GLI4: variants seen among roughly 807,000 people sequenced by gnomAD.
GLI4 encodes zinc finger protein GLI4.
Under a neutral mutation model 30.9 loss-of-function variants are expected in GLI4, and 34 were observed. The observed-to-expected ratio is 1.10, with a 90% CI of 0.84 to 1.47. The LOEUF is 1.47. Ranked by LOEUF, GLI4 falls within the 40% of genes most tolerant of loss-of-function variation. The probability of loss-of-function intolerance (pLI) is 0.00; values close to 1 mark genes in which losing one functional copy is unlikely to be tolerated. For missense variants in GLI4, 696 were observed against 538.9 expected, an observed-to-expected ratio of 1.29 and a Z score of -2.89; for synonymous variants, 277 against 236.7, an observed-to-expected ratio of 1.17 and a Z score of -1.56.
intron 2 of GLI4, among the ~76,000 whole-genome samples, chr8:143,273,972 C>T (rs752435312): frequency 1.4e-4 from 22 of 152,240 alleles, no homozygotes; most frequent in South Asian, 4.1e-4. Flanking sequence ...CCACTGGCCT[C>T]GGGCAGTGGA....
At chr8:143,275,017 A>G (rs912126963) in intron 3 of GLI4, 4 of 1,517,146 alleles carry the variant, frequency 2.6e-6, no homozygotes, top group African/African-American at 1.4e-5. Flanking sequence ...ACTGCAGCCC[A>G]CAGCCACCTG....
In GLI4 at chr8:143,275,953, G is replaced by A. The variant is rs775542996; in HGVS notation, c.280G>A (p.Glu94Lys). ...CTCTCCTGGCTCTCAGGCCCCTGACGAGGGGGCGGGCGGGGCGCTGCGCAG... is the reference window on the plus strand; with the variant it reads ...CTCTCCTGGCTCTCAGGCCCCTGACAAGGGGGCGGGCGGGGCGCTGCGCAG... Reference protein sequence around the residue: ...PRSPGSQAPDEGAGGALRSLL... With the variant: ...PRSPGSQAPDKGAGGALRSLL... The change falls in exon 4 of 4, where the codon GAG becomes AAG. Residue 94 changes from glutamate to lysine, a missense_variant. By Grantham distance (56) the Glu-to-Lys change is moderately conservative (BLOSUM62 1). Coordinates refer to ENST00000340042, the MANE Select transcript of GLI4 (RefSeq NM_138465.4). 6 of 1,330,474 alleles carry A rather than the reference G, an allele frequency of 4.5e-6. No homozygotes were observed. The highest frequency in any genetic ancestry group is 3.1e-5 in the East Asian group (1 of 32,646). 82.4% of individuals were successfully genotyped at this position (1,330,474 alleles called of 1,614,324 possible).
chr8:143,276,644 A>G lies in GLI4; in HGVS notation c.971A>G (p.Glu324Gly), dbSNP rs1815395558. The G allele has an allele frequency of 6.2e-7, 1 of 1,611,502 alleles. No individual in the cohort carries two copies. Among genetic ancestry groups the G allele is most frequent in the Non-Finnish European group, 8.5e-7 (1 of 1,179,502 alleles). Residue 324 changes from glutamate to glycine, a missense_variant, in exon 4 of 4, where the codon GAG (glutamate) becomes GGG (glycine). Glu to Gly is a moderately conservative substitution (Grantham distance 98, BLOSUM62 -2). Coordinates refer to ENST00000340042, the MANE Select transcript of GLI4 (RefSeq NM_138465.4). ...QRIHTGEKPY[E>G]CSDCGKAFRG... ...ATCCACACTGGCGAGAAGCCCTACG[A>G]GTGCTCCGACTGCGGCAAAGCCTTC... is the stretch of plus-strand genomic sequence containing the variant.
rs529316730 is a variant in GLI4, at chr8:143,267,754, C to T, written c.-38+270C>T. Reference sequence around the variant, plus strand: ...GCCTTTCCCAGGCACCCAGTGACGGCAGCTGTCGTCATCGCCACTCTGCAG... The same window carrying T: ...GCCTTTCCCAGGCACCCAGTGACGGTAGCTGTCGTCATCGCCACTCTGCAG... On this transcript the variant is annotated intron_variant, in intron 1 of 3. Coordinates refer to ENST00000340042, the MANE Select transcript of GLI4 (RefSeq NM_138465.4). 3.8e-4 allele frequency: 376 copies of T among 985,364 alleles called. 9 individuals are homozygous for T. The South Asian group carries it at 0.016, about 41-fold the overall frequency. The allele number at this position is 985,364 out of a possible 1,614,324, so 61.0% of individuals were successfully genotyped here. A position where few individuals can be genotyped will look rare whatever the true frequency, so the allele number is the denominator to read the frequency against.
intron 1 of GLI4, 164 bp downstream of exon 1, chr8:143,267,648 G>A (rs1815166468): frequency 1.9e-5 from 19 of 985,398 alleles, no homozygotes; most frequent in Non-Finnish European, 2.3e-5. Flanking sequence ...GGGGAGCGGG[G>A]TGGGCTCCTG....
At position 143,276,133 on chromosome 8, in the gene GLI4, G is replaced by C; in HGVS notation, c.460G>C (p.Gly154Arg). The C allele has an allele frequency of 6.5e-7, 1 of 1,536,646 alleles. No homozygotes were observed. The highest frequency in any genetic ancestry group is 1.2e-5 in the South Asian group (1 of 82,992). Residue 154 changes from glycine to arginine, a missense_variant, in exon 4 of 4, where the codon GGG (glycine) becomes CGG (arginine). Coordinates refer to ENST00000340042, the MANE Select transcript of GLI4 (RefSeq NM_138465.4). ...RVTLVQQAAA[G>R]PEGAPERAAE... ...GACGCTCGTGCAGCAAGCAGCGGCC[G>C]GGCCCGAGGGTGCGCCCGAGCGGGC...
rs1326142743 is a variant in GLI4, at chr8:143,276,441, G to T, written c.768G>T (p.Gln256His). 3 of 1,612,756 alleles carry T rather than the reference G, an allele frequency of 1.9e-6. No individual in the cohort carries two copies. Among genetic ancestry groups the T allele is most frequent in the Non-Finnish European group, 1.7e-6 (2 of 1,179,782 alleles). Residue 256 changes from glutamine to histidine, a missense_variant, in exon 4 of 4, where the codon CAG becomes CAT. Physicochemically the swap from Gln to His is conservative, Grantham distance 24. Transcript: ENST00000340042. ...TCAGCCACAGCTCGCACTTCACGCA[G>T]CACCTGCGCATCCACAACGGCGAGA... ...RAFSHSSHFT[Q>H]HLRIHNGEKP...
rs961772985 is a variant in GLI4, at chr8:143,267,479, C to G, written c.-43C>G. On this transcript the variant is annotated 5_prime_UTR_variant, in exon 1 of 4. Transcript: ENST00000340042. ...CGGCGCGCGGCGTCCTCCTCCCGCT[C>G]GGAAGGTGAGTGGGCGCGGGCGGCG... The G allele has an allele frequency of 5.1e-6, 5 of 985,964 alleles. No individual in the cohort carries two copies. The African/African-American group carries it at 8.7e-5, about 17-fold the overall frequency. The allele number at this position is 985,964 out of a possible 1,614,324, so 61.1% of individuals were successfully genotyped here. A position where few individuals can be genotyped will look rare whatever the true frequency, so the allele number is the denominator to read the frequency against.
chr8:143,276,162 C>G lies in GLI4; in HGVS notation c.489C>G (p.Ala163=), dbSNP rs1815382265. 9 of 1,550,492 alleles carry G rather than the reference C, an allele frequency of 5.8e-6. No homozygotes were observed. In the South Asian group the frequency reaches 7.1e-5, roughly 12 times the overall value. The change falls in exon 4 of 4, where the codon GCC becomes GCG. Residue 163 remains alanine, a synonymous_variant. Transcript: ENST00000340042. The part of the protein sequence containing the change: ...AGPEGAPERA[A]ELGVNFGRSR... ...CCGAGGGTGCGCCCGAGCGGGCTGC[C>G]GAGCTGGGAGTCAACTTCGGTCGGA...
intron 3 of GLI4, 69 bp downstream of exon 3, chr8:143,274,871 C>A: frequency 6.6e-7 from 1 of 1,508,960 alleles, no homozygotes; most frequent in South Asian, 1.2e-5. Flanking sequence ...ACAATGCCCA[C>A]CTCTGTGGCA....
chr8:143,268,442 C>T (rs1815189308), intron 1 of GLI4, among the ~76,000 whole-genome samples: 1 of 152,226 alleles, frequency 6.6e-6, no homozygotes, highest in South Asian at 2.1e-4. Context: ...TAAGAAGTGT[C>T]TTGGAGCCCT....
chr8:143,273,933 G>T (rs1815327390), intron 2 of GLI4, among the ~76,000 whole-genome samples: 1 of 152,160 alleles, frequency 6.6e-6, no homozygotes, highest in Non-Finnish European at 1.5e-5. Context: ...AAAGGGGCCT[G>T]GTGCCCCTGC....
intron 3 of GLI4, chr8:143,275,634 G>C: frequency 8.1e-7 from 1 of 1,234,158 alleles, no homozygotes; most frequent in Non-Finnish European, 1.0e-6. Flanking sequence ...TCCGTGCACC[G>C]GCACGGCCGC....
chr8:143,270,611 C>T (rs532280978), intron 2 of GLI4, among the ~76,000 whole-genome samples: 71 of 152,310 alleles, frequency 4.7e-4, no homozygotes, highest in African/African-American at 1.1e-3. Context: ...CCCTGAGGGC[C>T]GTGCTCCTCA....
chr8:143,269,544 C>T (rs770480409), intron 2 of GLI4, 24 bp downstream of exon 2: 7 of 1,599,310 alleles, frequency 4.4e-6, no homozygotes, highest in Admixed American at 3.3e-5. Context: ...CCGCTGTGCG[C>T]CCTCCACCCT....
At chr8:143,271,337 C>T (rs1480148817) in intron 2 of GLI4, among the ~76,000 whole-genome samples, 1 of 152,190 alleles carries the variant, frequency 6.6e-6, no homozygotes, top group Non-Finnish European at 1.5e-5. Flanking sequence ...GGGCGGCCTT[C>T]ATCCCCTCTT....
At chr8:143,274,982 GT>G in intron 3 of GLI4, 180 bp downstream of exon 3, 2 of 1,492,882 alleles carry the variant, frequency 1.3e-6, no homozygotes, top group Non-Finnish European at 1.8e-6. Context: ...TGCCAGTCCA[GT>G]TACTGATGCT....
At position 143,267,665 on chromosome 8, in the gene GLI4, G is replaced by A. The variant is rs1358190107; in HGVS notation, c.-38+181G>A. 4.1e-6 allele frequency: 4 copies of A among 985,288 alleles called. No individual in the cohort carries two copies. In the African/African-American group the frequency reaches 5.2e-5, roughly 13 times the overall value. 61.0% of individuals were successfully genotyped at this position (985,288 alleles called of 1,614,324 possible). On this transcript the variant is annotated intron_variant, in intron 1 of 3. Transcript: ENST00000340042. The stretch of plus-strand genomic sequence containing the variant: ...GGAGCGGGGTGGGCTCCTGGGGGTC[G>A]CGGAGCAGCAGCGGACCGCCCCGCC...
chr8:143,267,933 C>G, intron 1 of GLI4: 1 of 985,452 alleles, frequency 1.0e-6, no homozygotes, highest in Non-Finnish European at 1.2e-6. Context: ...GGATGCTTCC[C>G]CCGAGCCGCT....
Sources: allele counts gnomAD v4.1 joint callset (sites outside exome capture counted in the v4.1 genomes callset), GRCh38; gene constraint gnomAD v4.1.1; transcripts MANE v1.5; gene names NCBI Gene and HGNC (gene_info 2026-07-23, HGNC 2026-07-21).